The following SNX29 variants were observed in gnomAD, a reference collection of about 807,000 sequenced individuals.
SNX29 encodes sorting nexin-29.
A neutral mutation model predicts 102.1 loss-of-function variants in SNX29; 78 were observed. The ratio of observed to expected loss-of-function variants is 0.76; its 90% CI spans 0.64 to 0.92. SNX29 has a LOEUF of 0.92. Ranked by LOEUF, SNX29 falls within the 40% of genes least tolerant of loss-of-function variation. The probability of loss-of-function intolerance (pLI) is 0.00; values close to 1 mark genes in which losing one functional copy is unlikely to be tolerated. For missense variants in SNX29, 1,280 were observed against 1,061.7 expected (o/e 1.21, Z -2.86); for synonymous variants, 580 against 414.5 (o/e 1.40, Z -4.85).
At chr16:12,208,234 T>TAGAG (rs2077094875) in intron 14 of SNX29, among the ~76,000 whole-genome samples, 1 of 152,230 alleles carries the variant, frequency 6.6e-6, no homozygotes, top group South Asian at 2.1e-4. Context: ...GTGTTCTCTC[T>TAGAG]GGCCGGGCAG....
At chr16:12,497,978 A>G (rs1196922411) in intron 19 of SNX29, among the ~76,000 whole-genome samples, 1 of 152,202 alleles carries the variant, frequency 6.6e-6, no homozygotes, top group Middle Eastern at 3.2e-3. Flanking sequence ...GAAAGGCTGT[A>G]GCACTGTCAC....
rs1312905256 is a variant in SNX29, at chr16:12,484,391, G to A, written c.2178+6532G>A. On this transcript the variant is annotated intron_variant, in intron 19 of 20. Coordinates refer to ENST00000566228, the MANE Select transcript of SNX29 (RefSeq NM_032167.5). ...GCAGTGGCTGGCCTTTTTCTCTTTT[G>A]CCTCCCTGTAGCCTATTTTCCACGC... is the stretch of plus-strand genomic sequence containing the variant. Among the ~76,000 whole-genome samples the A allele has an allele frequency of 2.0e-5, 3 of 152,140 alleles. No homozygotes were observed. In the East Asian group the frequency reaches 5.8e-4, roughly 29 times the overall value.
At chr16:12,547,557 G>A (rs141651031) in intron 20 of SNX29, among the ~76,000 whole-genome samples, 1 of 152,086 alleles carries the variant, frequency 6.6e-6, no homozygotes, top group African/African-American at 2.4e-5. Flanking sequence ...CTGAGCTGTG[G>A]TTAACATCCC....
chr16:12,245,940 G>T (rs551200272), intron 14 of SNX29, among the ~76,000 whole-genome samples: 3 of 152,190 alleles, frequency 2.0e-5, no homozygotes, highest in Non-Finnish European at 4.4e-5. Context: ...TTAAGCCCCA[G>T]AATCATCTTC....
intron 18 of SNX29, among the ~76,000 whole-genome samples, chr16:12,413,228 A>T (rs985926971): frequency 1.7e-4 from 26 of 152,274 alleles, no homozygotes; most frequent in Non-Finnish European, 3.2e-4. Flanking sequence ...AAGTGTGGGG[A>T]ATGTCTCAAA....
At chr16:12,560,018 A>T (rs911738681) in intron 20 of SNX29, among the ~76,000 whole-genome samples, 1 of 152,172 alleles carries the variant, frequency 6.6e-6, no homozygotes, top group Non-Finnish European at 1.5e-5. Context: ...TACATTTTGG[A>T]AGACTTAGTA....
At chr16:12,079,050 G>A in intron 11 of SNX29, 135 bp downstream of exon 11, 1 of 747,424 alleles carries the variant, frequency 1.3e-6, no homozygotes. Context: ...GTAGACTGGA[G>A]GTGTGGTACG....
At chr16:12,535,639 A>G (rs1287046220) in intron 20 of SNX29, among the ~76,000 whole-genome samples, 1 of 152,208 alleles carries the variant, frequency 6.6e-6, no homozygotes, top group Non-Finnish European at 1.5e-5. Flanking sequence ...TGAAGCACTT[A>G]CAGAGCAGTC....
intron 14 of SNX29, among the ~76,000 whole-genome samples, chr16:12,235,785 TTGTGTGTGTG>T (rs71408254): frequency 4.1e-5 from 6 of 147,958 alleles, no homozygotes; most frequent in Admixed American, 6.8e-5. Flanking sequence ...GGGTTGTAAA[TTGTGTGTGTG>T]TGTGTGTGTG....
intron 9 of SNX29, among the ~76,000 whole-genome samples, chr16:12,068,690 G>A (rs8047863): frequency 0.015 from 2,328 of 152,092 alleles, 64 homozygotes; most frequent in African/African-American, 0.053. Flanking sequence ...GATTACAGTC[G>A]TGCACCAACA....
At chr16:12,176,086 T>TG (rs113066576) in intron 13 of SNX29, among the ~76,000 whole-genome samples, 2,718 of 151,326 alleles carry the variant, frequency 0.018, 82 homozygotes, top group African/African-American at 0.063. Context: ...ATGTGAGGAG[T>TG]GGGGGGAAAA....
chr16:12,119,216 C>T (rs1252002545), intron 11 of SNX29, among the ~76,000 whole-genome samples: 1 of 152,170 alleles, frequency 6.6e-6, no homozygotes, highest in African/African-American at 2.4e-5. Flanking sequence ...GCTCCTTAGC[C>T]GGGGTCCTCT....
At chr16:12,234,807 C>T (rs1405928867) in intron 14 of SNX29, among the ~76,000 whole-genome samples, 5 of 152,218 alleles carry the variant, frequency 3.3e-5, no homozygotes, top group East Asian at 1.9e-4. Flanking sequence ...GGGCTATGTC[C>T]GTCTGCCTAC....
chr16:12,033,778 T>C (rs1038524963), intron 4 of SNX29, among the ~76,000 whole-genome samples: 3 of 152,092 alleles, frequency 2.0e-5, no homozygotes, highest in Admixed American at 2.0e-4. Context: ...GGTTAAGTTT[T>C]ATATTTTTAG....
At chr16:12,080,536 T>C (rs1046833544) in intron 11 of SNX29, among the ~76,000 whole-genome samples, 6 of 152,164 alleles carry the variant, frequency 3.9e-5, no homozygotes, top group East Asian at 3.8e-4. Flanking sequence ...TACTTTATTA[T>C]TCATTTTTAT....
At chr16:12,474,873 C>T (rs533286675) in intron 18 of SNX29, among the ~76,000 whole-genome samples, 14 of 152,274 alleles carry the variant, frequency 9.2e-5, no homozygotes, top group Admixed American at 9.2e-4. Flanking sequence ...CTCATGTTTT[C>T]TCTACTTGGT....
intron 12 of SNX29, among the ~76,000 whole-genome samples, 187 bp from the exon 13 acceptor site, chr16:12,129,443 C>G (rs913659622): frequency 1.3e-5 from 2 of 152,242 alleles, no homozygotes; most frequent in Admixed American, 6.5e-5. Flanking sequence ...TCCCTTAATT[C>G]TTACTCTAAG....
At chr16:12,499,395 C>G (rs963526165) in intron 19 of SNX29, among the ~76,000 whole-genome samples, 1 of 152,166 alleles carries the variant, frequency 6.6e-6, no homozygotes, top group East Asian at 1.9e-4. Context: ...TGCCAGCACC[C>G]GAGCAGGGCA....
intron 13 of SNX29, among the ~76,000 whole-genome samples, chr16:12,143,986 C>G (rs1378357597): frequency 6.6e-6 from 1 of 152,172 alleles, no homozygotes; most frequent in Non-Finnish European, 1.5e-5. Context: ...AGCAGAGTTT[C>G]TCAAACCTTA....
Sources: gnomAD v4.1 joint callset for allele counts (sites outside exome capture counted in the v4.1 genomes callset) on GRCh38, gnomAD v4.1.1 for gene constraint, MANE v1.5 for transcripts, NCBI Gene and HGNC (gene_info 2026-07-23, HGNC 2026-07-21) for gene names.